ACBD3: variants seen among roughly 807,000 people sequenced by gnomAD.
ACBD3 encodes the protein Golgi resident protein GCP60.
ACBD3 carries 30 observed loss-of-function variants against 66.9 expected under a neutral mutation model. The ratio of observed to expected loss-of-function variants is 0.45; its 90% CI spans 0.34 to 0.61. The LOEUF (loss-of-function observed/expected upper bound fraction) is 0.61, where lower values mean the gene tolerates loss of function less well. ACBD3 is among the 20% of genes least tolerant of loss of function. The pLI is 0.02. For synonymous variants in ACBD3, 278 were observed against 259.8 expected (o/e 1.07, Z -0.68); for missense variants, 544 against 664.5 (o/e 0.82, Z 1.99).
At chr1:226,175,231 C>G (rs1656003452) in intron 1 of ACBD3, among the ~76,000 whole-genome samples, 1 of 151,948 alleles carries the variant, frequency 6.6e-6, no homozygotes. Flanking sequence ...CAGTAAAACA[C>G]ATTTTTGGAA....
chr1:226,179,727 G>A (rs1656128143), intron 1 of ACBD3, among the ~76,000 whole-genome samples: 1 of 151,936 alleles, frequency 6.6e-6, no homozygotes, highest in Non-Finnish European at 1.5e-5. Flanking sequence ...GTGTGGTGGT[G>A]CACACCTGTA....
Position 226,180,171 on chromosome 1 carries a change from C to T in ACBD3, c.286+6219G>A, listed in dbSNP as rs1236717027. On this transcript the variant is annotated intron_variant, in intron 1 of 7. Coordinates refer to ENST00000366812, the MANE Select transcript of ACBD3 (RefSeq NM_022735.4). ...GGGCAACAGAGCAAGACTCTGTCTC[C>T]CAAAAAAAAAAAAAAAAAAGGATAA... Among the ~76,000 whole-genome samples the T allele has an allele frequency of 2.1e-5, 3 of 141,450 alleles. No individual in the cohort carries two copies. In the Admixed American group the frequency reaches 2.1e-4, roughly 10 times the overall value. 92.8% of individuals were successfully genotyped at this position (141,450 alleles called of 152,430 possible). A position where few individuals can be genotyped will look rare whatever the true frequency, so the allele number is the denominator to read the frequency against.
At chr1:226,179,967 T>C (rs191601453) in intron 1 of ACBD3, among the ~76,000 whole-genome samples, 9 of 151,980 alleles carry the variant, frequency 5.9e-5, no homozygotes, top group Admixed American at 3.3e-4. Context: ...GGTCAGGAGT[T>C]CAAGACCAGC....
intron 1 of ACBD3, among the ~76,000 whole-genome samples, chr1:226,172,468 G>T (rs1655852060): frequency 6.6e-6 from 1 of 152,274 alleles, no homozygotes; most frequent in South Asian, 2.1e-4. Flanking sequence ...CTACTTGGGA[G>T]GCTGAGACAG....
intron 1 of ACBD3, among the ~76,000 whole-genome samples, chr1:226,169,915 C>T (rs1338747224): frequency 6.6e-6 from 1 of 150,598 alleles, no homozygotes; most frequent in African/African-American, 2.4e-5. Context: ...ATCCCAGCTA[C>T]TCAGGGAGCT....
At chr1:226,168,914 A>G (rs1352450754) in intron 1 of ACBD3, among the ~76,000 whole-genome samples, 5 of 151,238 alleles carry the variant, frequency 3.3e-5, no homozygotes, top group Non-Finnish European at 1.5e-5. Context: ...GCTGGAGTGC[A>G]GTGAGTGGCA....
intron 3 of ACBD3, among the ~76,000 whole-genome samples, chr1:226,163,602 G>C (rs561622215): frequency 6.6e-6 from 1 of 152,100 alleles, no homozygotes; most frequent in African/African-American, 2.4e-5. Flanking sequence ...TCCATCTCTT[G>C]ATAACTCAGG....
intron 1 of ACBD3, among the ~76,000 whole-genome samples, chr1:226,169,411 C>T (rs556985527): frequency 9.8e-4 from 149 of 152,036 alleles, no homozygotes; most frequent in Non-Finnish European, 1.1e-3. Context: ...CCATGCTCGG[C>T]TAATTTTTTT....
At chr1:226,154,332 C>A (rs1045003405) in intron 6 of ACBD3, among the ~76,000 whole-genome samples, 1 of 152,004 alleles carries the variant, frequency 6.6e-6, no homozygotes, top group African/African-American at 2.4e-5. Context: ...CTCAGCCTCC[C>A]AGAGTGCTGG....
At chr1:226,166,061 A>G (rs915676264) in intron 1 of ACBD3, 61 bp from the exon 2 acceptor site, 11 of 1,512,610 alleles carry the variant, frequency 7.3e-6, no homozygotes, top group East Asian at 7.1e-5. Context: ...AATTTTCAGC[A>G]TTATATACTA....
In ACBD3 at chr1:226,186,456, G is replaced by A. The variant is rs1442193703; in HGVS notation, c.220C>T (p.Arg74Trp). The A allele has an allele frequency of 2.7e-6, 4 of 1,505,760 alleles. No homozygotes were observed. Among genetic ancestry groups the A allele is most frequent in the Admixed American group, 2.2e-5 (1 of 45,860 alleles). 93.3% of individuals were successfully genotyped at this position (1,505,760 alleles called of 1,614,324 possible). A position where few individuals can be genotyped will look rare whatever the true frequency, so the allele number is the denominator to read the frequency against. ...AAGGAAEEAR[R>W]LEQRWGFGLE... ...CCGAAACCCCAGCGCTGCTCCAGCC[G>A]CCGCGCCTCCTCCGCCGCGCCCCCA... The change falls in exon 1 of 8, where the codon CGG becomes TGG. Residue 74 changes from arginine (R) to tryptophan (W), a missense_variant. Arg to Trp is a moderately radical substitution (Grantham distance 101). Transcript: ENST00000366812.
chr1:226,152,326 G>A lies in ACBD3; in HGVS notation c.1375+9C>T. 6.2e-7 allele frequency: 1 copy of A among 1,613,060 alleles called. No individual in the cohort carries two copies. The highest frequency in any genetic ancestry group is 8.5e-7 in the Non-Finnish European group (1 of 1,179,542). On this transcript the variant is annotated intron_variant, in intron 7 of 7. Transcript: ENST00000366812. ...CCAGCAGCTACTGAATATGGACCAA[G>A]GGTTCTACCTTCTTCCTCCTCGTCG...
chr1:226,165,822 T>C (rs1407712071), intron 2 of ACBD3, 37 bp downstream of exon 2: 1 of 1,589,364 alleles, frequency 6.3e-7, no homozygotes, highest in Non-Finnish European at 8.5e-7. Context: ...GCCAACATTA[T>C]CCTCATTAAA....
chr1:226,172,032 A>G (rs529588333), intron 1 of ACBD3, among the ~76,000 whole-genome samples: 2 of 151,182 alleles, frequency 1.3e-5, no homozygotes, highest in African/African-American at 4.8e-5. Context: ...GCGCACACCT[A>G]TAATCCCAGC....
intron 5 of ACBD3, 51 bp downstream of exon 5, chr1:226,159,133 A>G (rs1158740427): frequency 1.9e-6 from 3 of 1,582,382 alleles, no homozygotes; most frequent in East Asian, 4.5e-5. Context: ...TTGGGTTCCA[A>G]TGAAACTAAA....
intron 1 of ACBD3, among the ~76,000 whole-genome samples, chr1:226,185,188 T>C (rs1656267718): frequency 6.6e-6 from 1 of 152,240 alleles, no homozygotes; most frequent in Admixed American, 6.5e-5. Context: ...CCATTACCAA[T>C]TCCCCAAGCT....
chr1:226,182,510 A>AGG (rs987153414), intron 1 of ACBD3, among the ~76,000 whole-genome samples: 4 of 152,088 alleles, frequency 2.6e-5, no homozygotes, highest in African/African-American at 9.7e-5. Context: ...GCTACTCACG[A>AGG]GGCTGAGGCA....
rs1396143655 is a variant in ACBD3, at chr1:226,154,658, T to C, written c.1079A>G (p.Asn360Ser). The C allele has an allele frequency of 1.9e-6, 3 of 1,610,442 alleles. No individual in the cohort carries two copies. Among genetic ancestry groups the C allele is most frequent in the South Asian group, 2.2e-5 (2 of 90,430 alleles). ...EPEAAEEALENGPKESLPVIA... is the reference protein window; with the variant it reads ...EPEAAEEALESGPKESLPVIA... ...TATGCAAAACCTACCTTTTGGTCCATTCTCCAGGGCTTCTTCTGCAGCTTC... is the reference window on the plus strand; with the variant it reads ...TATGCAAAACCTACCTTTTGGTCCACTCTCCAGGGCTTCTTCTGCAGCTTC... The change falls in exon 6 of 8, where the codon AAT (asparagine) becomes AGT (serine). Residue 360 changes from asparagine to serine, a missense_variant. Physicochemically the swap from Asn to Ser is conservative, Grantham distance 46. Transcript: ENST00000366812.
At position 226,186,463 on chromosome 1, in the gene ACBD3, C is replaced by T. The variant is rs1303535009; in HGVS notation, c.213G>A (p.Glu71=). 6.7e-7 allele frequency: 1 copy of T among 1,502,824 alleles called. No homozygotes were observed. The highest frequency in any genetic ancestry group is 2.2e-5 in the Admixed American group (1 of 45,462). The allele number at this position is 1,502,824 out of a possible 1,614,324, so 93.1% of individuals were successfully genotyped here. A position where few individuals can be genotyped will look rare whatever the true frequency, so the allele number is the denominator to read the frequency against. The change falls in exon 1 of 8, where the codon GAG becomes GAA. Residue 71 remains glutamate (E), a synonymous_variant. Transcript: ENST00000366812. ...CCCAGCGCTGCTCCAGCCGCCGCGC[C>T]TCCTCCGCCGCGCCCCCAGCCGCCG... ...GEAAAGGAAE[E]ARRLEQRWGF...
Sources: allele counts gnomAD v4.1 joint callset (sites outside exome capture counted in the v4.1 genomes callset), GRCh38; gene constraint gnomAD v4.1.1; transcripts MANE v1.5; gene names NCBI Gene and HGNC (gene_info 2026-07-23, HGNC 2026-07-21).